ACBD5: variants seen among roughly 807,000 people sequenced by gnomAD.
The protein encoded by ACBD5 is acyl-CoA binding domain containing 5.
ACBD5 carries 40 observed loss-of-function variants against 71.8 expected under a neutral mutation model. That is an observed-to-expected ratio of 0.56 (90% CI 0.43 to 0.72). The LOEUF is 0.72. ACBD5 is among the 30% of genes least tolerant of loss of function. The pLI is 0.00. For synonymous variants in ACBD5, 229 were observed against 218.6 expected (o/e 1.05, Z -0.42); for missense variants, 559 against 644.5 (o/e 0.87, Z 1.44).
chr10:27,208,319 A>T lies in ACBD5; in HGVS notation c.1331T>A (p.Leu444Gln), dbSNP rs765248478. The T allele has an allele frequency of 6.2e-7, 1 of 1,614,198 alleles. No individual in the cohort carries two copies. Among genetic ancestry groups the T allele is most frequent in the South Asian group, 1.1e-5 (1 of 91,092 alleles). ...CTGCATGTCCTCCTGCAGTCTCATC[A>T]GCACGAGGGCGATCTGCTCATTGAG... ...GSLNEQIALVLMRLQEDMQNV... is the reference protein window; with the variant it reads ...GSLNEQIALVQMRLQEDMQNV... Residue 444 changes from leucine (L) to glutamine (Q), a missense_variant, in exon 10 of 13, where the codon CTG becomes CAG. Coordinates refer to ENST00000396271, the MANE Select transcript of ACBD5 (RefSeq NM_145698.5).
At chr10:27,226,746 G>A (rs1209031304) in intron 4 of ACBD5, among the ~76,000 whole-genome samples, 3 of 151,596 alleles carry the variant, frequency 2.0e-5, no homozygotes. Flanking sequence ...CTGCCTCTGG[G>A]GTTCAAGCAA....
chr10:27,240,852 G>GCGC (rs771181649), upstream of ACBD5: 68 of 1,081,238 alleles, frequency 6.3e-5, no homozygotes, highest in Non-Finnish European at 7.9e-5. The surrounding 1 kb of genome is among the most constrained non-coding windows in gnomAD (Gnocchi z 4.1). Flanking sequence ...GGACCCACTG[G>GCGC]CGCCGCCGCC....
At chr10:27,185,439 C>T (rs757359215) in intron 13 of ACBD5, among the ~76,000 whole-genome samples, 115 of 151,698 alleles carry the variant, frequency 7.6e-4, no homozygotes, top group Non-Finnish European at 1.3e-3. Flanking sequence ...TCGAGACCAG[C>T]CTGGCCAACA....
chr10:27,204,365 A>T, intron 12 of ACBD5, 75 bp downstream of exon 12: 2 of 1,076,648 alleles, frequency 1.9e-6, no homozygotes, highest in Non-Finnish European at 2.9e-6. Context: ...AGCATCCCTT[A>T]ATTGCTGCTG....
intron 3 of ACBD5, chr10:27,232,234 C>G (rs1324156876): frequency 6.5e-6 from 1 of 153,362 alleles, no homozygotes; most frequent in Non-Finnish European, 1.4e-5. Flanking sequence ...TTTTCTTTTT[C>G]TTTTTAATAT....
chr10:27,242,005 C>A, upstream of ACBD5: 1 of 449,538 alleles, frequency 2.2e-6, no homozygotes, highest in South Asian at 1.6e-5. Context: ...TAGGAAAAAT[C>A]TAGGCGCAGA....
intron 4 of ACBD5, among the ~76,000 whole-genome samples, chr10:27,224,490 G>A (rs1276214663): frequency 6.6e-6 from 1 of 152,154 alleles, no homozygotes; most frequent in Non-Finnish European, 1.5e-5. Flanking sequence ...AGGTAGCGTA[G>A]TATTTCTAAC....
chr10:27,238,100 C>T (rs1462698637), intron 2 of ACBD5, among the ~76,000 whole-genome samples: 2 of 152,040 alleles, frequency 1.3e-5, no homozygotes, highest in African/African-American at 4.8e-5. Flanking sequence ...CGCCCACGAC[C>T]ACGCCTGGCT....
At chr10:27,217,178 G>T (rs74401765) in intron 7 of ACBD5, among the ~76,000 whole-genome samples, 9,948 of 145,648 alleles carry the variant, frequency 0.068, 639 homozygotes, top group African/African-American at 0.17. Flanking sequence ...TTTCTCGGCC[G>T]GGCGCGTTGC....
intron 10 of ACBD5, among the ~76,000 whole-genome samples, chr10:27,205,647 G>A (rs1222345499): frequency 6.6e-6 from 1 of 151,456 alleles, no homozygotes; most frequent in African/African-American, 2.4e-5. Context: ...TGCAACCGCT[G>A]CCTCACAATT....
chr10:27,197,475 G>A (rs1325809175), intron 12 of ACBD5, 33 bp from the exon 13 acceptor site: 2 of 1,530,388 alleles, frequency 1.3e-6, no homozygotes, highest in Non-Finnish European at 1.8e-6. Flanking sequence ...AATTTCCTGT[G>A]AGTATGAATG....
At chr10:27,209,919 G>A (rs566773718) in intron 9 of ACBD5, among the ~76,000 whole-genome samples, 81 of 152,258 alleles carry the variant, frequency 5.3e-4, no homozygotes, top group African/African-American at 1.9e-3. Flanking sequence ...GGTAGGATGA[G>A]TTCAAATTTT....
In ACBD5 at chr10:27,208,269, G is replaced by GTTTCTGCAGTCTCTGAAGGAC. The variant is rs1283973979; in HGVS notation, c.1360_1380dup (p.Val454_Lys460dup). 1 of 1,614,034 alleles carries GTTTCTGCAGTCTCTGAAGGAC rather than the reference G, an allele frequency of 6.2e-7. No individual in the cohort carries two copies. The highest frequency in any genetic ancestry group is 8.5e-7 in the Non-Finnish European group (1 of 1,180,038). On this transcript the variant is annotated inframe_insertion, in exon 10 of 13. Transcript: ENST00000396271. Reference sequence around the variant, plus strand: ...ACCTGCAAAGCAGTCAGCGTTTCCAGTTTCTGCAGTCTCTGAAGGACATTC... The same window carrying GTTTCTGCAGTCTCTGAAGGAC: ...ACCTGCAAAGCAGTCAGCGTTTCCAGTTTCTGCAGTCTCTGAAGGACTTTCTGCAGTCTCTGAAGGACATTC...
chr10:27,227,861 C>T (rs111550851), intron 4 of ACBD5, among the ~76,000 whole-genome samples: 13 of 152,012 alleles, frequency 8.6e-5, no homozygotes, highest in Admixed American at 2.0e-4. Context: ...TACAAGCGCC[C>T]GCCACCACGC....
At chr10:27,228,795 A>G (rs1176186320) in intron 4 of ACBD5, among the ~76,000 whole-genome samples, 1 of 15,002 alleles carries the variant, frequency 6.7e-5, no homozygotes, top group South Asian at 2.3e-3. Flanking sequence ...TTATGTTTAT[A>G]TATATATATA....
rs775633178 is a variant in ACBD5 at position 27,202,969 on chromosome 10, CTTTTTTTTTTT to C, written c.1565+1460_1565+1470del. ...GGATTTAAATTCAGGTCTATATCCTCTTTTTTTTTTTTTTTTTTTTTTTTGAGACAGTCTCA... is the reference window on the plus strand; with the variant it reads ...GGATTTAAATTCAGGTCTATATCCTCTTTTTTTTTTTTTGAGACAGTCTCA... On this transcript the variant is annotated intron_variant, in intron 12 of 12. Transcript: ENST00000396271. 1.1e-4 allele frequency among the ~76,000 whole-genome samples: 8 copies of C among 70,766 alleles called. No homozygotes were observed. The South Asian group carries it at 1.9e-3, about 17-fold the overall frequency. 46.4% of individuals were successfully genotyped at this position (70,766 alleles called of 152,430 possible).
chr10:27,203,948 T>A (rs1000630058), intron 12 of ACBD5, among the ~76,000 whole-genome samples: 17 of 151,624 alleles, frequency 1.1e-4, no homozygotes, highest in African/African-American at 3.9e-4. Flanking sequence ...GAACACTGTT[T>A]CCTCACAAAC....
At chr10:27,186,386 A>T in intron 13 of ACBD5, 1 of 1,614,104 alleles carries the variant, frequency 6.2e-7, no homozygotes. Flanking sequence ...AAGAGCTAAA[A>T]CGTCATCCTC....
intron 12 of ACBD5, among the ~76,000 whole-genome samples, chr10:27,203,249 G>C (rs897867955): frequency 6.6e-6 from 1 of 151,902 alleles, no homozygotes; most frequent in Non-Finnish European, 1.5e-5. Flanking sequence ...GCTTCCTAAA[G>C]TCCCGGGATT....
Sources: gnomAD v4.1 joint callset for allele counts (sites outside exome capture counted in the v4.1 genomes callset) on GRCh38, gnomAD v4.1.1 for gene constraint, Gnocchi (gnomAD v3.1) non-coding constraint, MANE v1.5 for transcripts, NCBI Gene and HGNC (gene_info 2026-07-23, HGNC 2026-07-21) for gene names.